MRPS5: variants seen among roughly 807,000 people sequenced by gnomAD.
The protein encoded by MRPS5 is small ribosomal subunit protein uS5m.
MRPS5 carries 27 observed loss-of-function variants against 51.9 expected under a neutral mutation model. The observed-to-expected ratio is 0.52, with a 90% CI of 0.38 to 0.72. MRPS5 has a LOEUF of 0.72. MRPS5 is among the 30% of genes least tolerant of loss of function. The pLI is 0.00. For missense variants in MRPS5, 570 were observed against 545.7 expected (o/e 1.04, Z -0.44); for synonymous variants, 196 against 193.2 (o/e 1.01, Z -0.12).
At chr2:95,116,740 C>G (rs2104429610) in intron 2 of MRPS5, among the ~76,000 whole-genome samples, 1 of 152,344 alleles carries the variant, frequency 6.6e-6, no homozygotes, top group Non-Finnish European at 1.5e-5. Context: ...AAGTCAAAGA[C>G]ATGCAGAGTC....
chr2:95,106,516 A>G (rs1190194901), intron 5 of MRPS5, 59 bp from the exon 6 acceptor site: 1 of 1,431,730 alleles, frequency 7.0e-7, no homozygotes, highest in Admixed American at 1.7e-5. Flanking sequence ...TTAACATGAA[A>G]GCATTTTCAA....
At chr2:95,098,541 G>C (rs893906352) in intron 10 of MRPS5, among the ~76,000 whole-genome samples, 6 of 152,084 alleles carry the variant, frequency 3.9e-5, no homozygotes, top group Non-Finnish European at 5.9e-5. Context: ...GTCCTTCGTA[G>C]GGACATGAAG....
chr2:95,104,829 G>C (rs1319296164), intron 6 of MRPS5, 99 bp from the exon 7 acceptor site: 1 of 992,412 alleles, frequency 1.0e-6, no homozygotes, highest in Non-Finnish European at 1.5e-6. Flanking sequence ...CGGTGAACAG[G>C]CACACACAGA....
chr2:95,106,674 C>A, intron 5 of MRPS5: 1 of 578,220 alleles, frequency 1.7e-6, no homozygotes, highest in South Asian at 2.0e-5. Context: ...CCCACCTGCA[C>A]CCTCCTCCCC....
At chr2:95,090,306 G>A in intron 11 of MRPS5, 80 bp downstream of exon 11, 1 of 1,479,726 alleles carries the variant, frequency 6.8e-7, no homozygotes, top group Non-Finnish European at 9.2e-7. Flanking sequence ...TCTCCAGGAG[G>A]CCCCAGGGCA....
At chr2:95,112,293 GA>G (rs1441701120) in intron 3 of MRPS5, among the ~76,000 whole-genome samples, 2 of 152,068 alleles carry the variant, frequency 1.3e-5, no homozygotes, top group Non-Finnish European at 2.9e-5. Flanking sequence ...TCCAACTCCT[GA>G]CCCCAGGTGA....
chr2:95,099,198 G>A (rs1001161092), intron 10 of MRPS5, among the ~76,000 whole-genome samples: 2 of 150,728 alleles, frequency 1.3e-5, no homozygotes, highest in Non-Finnish European at 2.9e-5. Context: ...TATTACAGGC[G>A]TGAGCCACCG....
intron 10 of MRPS5, among the ~76,000 whole-genome samples, chr2:95,099,146 C>T (rs1419132496): frequency 7.9e-5 from 12 of 151,140 alleles, no homozygotes; most frequent in East Asian, 3.9e-4. Context: ...TCTCAATCTC[C>T]GGACCTCGTG....
intron 10 of MRPS5, among the ~76,000 whole-genome samples, chr2:95,096,147 TCG>T (rs1472494299): frequency 6.6e-6 from 1 of 152,148 alleles, no homozygotes; most frequent in Admixed American, 6.5e-5. Flanking sequence ...AGAAGTTGAA[TCG>T]CTGAATAGAC....
chr2:95,101,117 C>T (rs141116864), intron 8 of MRPS5, among the ~76,000 whole-genome samples: 536 of 152,260 alleles, frequency 3.5e-3, no homozygotes, highest in Non-Finnish European at 4.9e-3. Context: ...GGCATGGTGG[C>T]TCACATCTAC....
chr2:95,087,161 T>C lies in MRPS5; in HGVS notation c.*196A>G. The C allele has an allele frequency of 1.9e-6, 1 of 519,360 alleles. No individual in the cohort carries two copies. Among genetic ancestry groups the C allele is most frequent in the Non-Finnish European group, 3.4e-6 (1 of 296,024 alleles). The allele number at this position is 519,360 out of a possible 1,614,324, so 32.2% of individuals were successfully genotyped here. A position where few individuals can be genotyped will look rare whatever the true frequency, so the allele number is the denominator to read the frequency against. Reference sequence around the variant, plus strand: ...TAAAGTAGTCTTGAACTGAGATATGTATGTAAAGGTTCTATCACATTGGCA... The same window carrying C: ...TAAAGTAGTCTTGAACTGAGATATGCATGTAAAGGTTCTATCACATTGGCA... On this transcript the variant is annotated 3_prime_UTR_variant, in exon 12 of 12. Transcript: ENST00000272418.
At chr2:95,118,480 G>A (rs1676352730) in intron 1 of MRPS5, among the ~76,000 whole-genome samples, 1 of 152,184 alleles carries the variant, frequency 6.6e-6, no homozygotes, top group African/African-American at 2.4e-5. Flanking sequence ...TCTTCCCTCT[G>A]GCCATGCCAG....
chr2:95,090,693 G>T, intron 10 of MRPS5, 171 bp from the exon 11 acceptor site: 1 of 626,358 alleles, frequency 1.6e-6, no homozygotes, highest in Non-Finnish European at 2.8e-6. Flanking sequence ...CTTCCAAGAT[G>T]ACACTTACTC....
intron 4 of MRPS5, among the ~76,000 whole-genome samples, chr2:95,109,087 G>C (rs944569914): frequency 6.6e-6 from 1 of 151,722 alleles, no homozygotes; most frequent in African/African-American, 2.4e-5. Context: ...GGAGACAATA[G>C]GATTGAAGAA....
intron 3 of MRPS5, among the ~76,000 whole-genome samples, chr2:95,110,922 T>TA (rs1676099682): frequency 6.6e-6 from 1 of 152,232 alleles, no homozygotes; most frequent in Non-Finnish European, 1.5e-5. Flanking sequence ...TTCTAGAAGA[T>TA]AAATGAGTAC....
At chr2:95,104,247 T>C (rs1368235635) in intron 7 of MRPS5, 1 of 173,442 alleles carries the variant, frequency 5.8e-6, no homozygotes, top group African/African-American at 2.4e-5. Context: ...TTTTTTAACT[T>C]AGCATTATTT....
chr2:95,099,605 G>C (rs929887843), intron 10 of MRPS5, among the ~76,000 whole-genome samples: 5 of 152,180 alleles, frequency 3.3e-5, no homozygotes, highest in African/African-American at 1.2e-4. Flanking sequence ...AGTGGCTGCT[G>C]TATGGGACAG....
rs755031376 is a variant in MRPS5, at chr2:95,121,777, C to A, written c.15G>T (p.Val5=). The A allele has an allele frequency of 1.9e-6, 3 of 1,552,026 alleles. No homozygotes were observed. Among genetic ancestry groups the A allele is most frequent in the South Asian group, 2.4e-5 (2 of 84,874 alleles). MATA[V]RAVGCLPVLC... ...GCACGGGGAGGCAGCCCACAGCGCG[C>A]ACCGCGGTCGCCATGCTGGAGTCCG... The change falls in exon 1 of 12, where the codon GTG becomes GTT. Residue 5 remains valine (V), a synonymous_variant. Transcript: ENST00000272418.
intron 10 of MRPS5, among the ~76,000 whole-genome samples, chr2:95,097,092 G>C (rs1675649601): frequency 2.0e-5 from 3 of 152,112 alleles, no homozygotes; most frequent in Admixed American, 2.0e-4. Context: ...ACTCACAATT[G>C]CTACAAAGAG....
Sources: gnomAD v4.1 joint callset for allele counts (sites outside exome capture counted in the v4.1 genomes callset) on GRCh38, gnomAD v4.1.1 for gene constraint, MANE v1.5 for transcripts, NCBI Gene and HGNC (gene_info 2026-07-23, HGNC 2026-07-21) for gene names.